Variants in RORA observed in about 807,000 individuals in gnomAD.
The protein encoded by RORA is nuclear receptor ROR-alpha.
Under a neutral mutation model 69.5 loss-of-function variants are expected in RORA, and 7 were observed. The ratio of observed to expected loss-of-function variants is 0.10; its 90% confidence interval spans 0.06 to 0.19. The LOEUF (loss-of-function observed/expected upper bound fraction) is 0.19, where lower values mean the gene tolerates loss of function less well. Ranked by LOEUF, RORA falls within the 10% of genes least tolerant of loss-of-function variation. The pLI is 1.00. For synonymous variants in RORA, 261 were observed against 240.8 expected (o/e 1.08, Z -0.78); for missense variants, 457 against 663.0 (o/e 0.69, Z 3.41).
intron 1 of RORA, among the ~76,000 whole-genome samples, chr15:60,771,550 G>C (rs1305145577): frequency 2.6e-5 from 4 of 152,178 alleles, no homozygotes; most frequent in Non-Finnish European, 5.9e-5. Flanking sequence ...TGATAGAAAA[G>C]GCCACTATTG....
At chr15:60,733,941 A>AGAGAGAGC in intron 1 of RORA, among the ~76,000 whole-genome samples, 1 of 151,222 alleles carries the variant, frequency 6.6e-6, no homozygotes, top group Non-Finnish European at 1.5e-5. Context: ...AGAGAGAGAG[A>AGAGAGAGC]GAGAGAGAGA....
chr15:61,158,319 A>T (rs2079463733), intron 1 of RORA, among the ~76,000 whole-genome samples: 1 of 152,200 alleles, frequency 6.6e-6, no homozygotes, highest in Non-Finnish European at 1.5e-5. Flanking sequence ...TGGAAGTGTC[A>T]TCTCAACTGG....
intron 1 of RORA, among the ~76,000 whole-genome samples, chr15:60,804,579 A>ACGAAC: frequency 6.6e-6 from 1 of 152,210 alleles, no homozygotes; most frequent in Non-Finnish European, 1.5e-5. Flanking sequence ...AATCAGGGCC[A>ACGAAC]TTTAAAATGT....
chr15:60,736,088 C>G (rs1279426376), intron 1 of RORA, among the ~76,000 whole-genome samples: 1 of 152,176 alleles, frequency 6.6e-6, no homozygotes, highest in Non-Finnish European at 1.5e-5. Flanking sequence ...AGGACTGAGT[C>G]TAGGGGAGGG....
chr15:60,960,644 T>C (rs79846901), intron 1 of RORA, among the ~76,000 whole-genome samples: 1 of 140,004 alleles, frequency 7.1e-6, no homozygotes, highest in South Asian at 2.1e-4. Flanking sequence ...ACACAAATCT[T>C]TTTTTTTTTT....
chr15:60,946,386 G>A (rs1481849761), intron 1 of RORA, among the ~76,000 whole-genome samples: 1 of 152,190 alleles, frequency 6.6e-6, no homozygotes, highest in Non-Finnish European at 1.5e-5. Flanking sequence ...TTCTGCCTCA[G>A]CCTGCCGAGT....
chr15:61,103,541 C>A (rs894139693), intron 1 of RORA, among the ~76,000 whole-genome samples: 1 of 152,200 alleles, frequency 6.6e-6, no homozygotes, highest in Non-Finnish European at 1.5e-5. Flanking sequence ...AACACACACA[C>A]CATGACCTTG....
intron 2 of RORA, among the ~76,000 whole-genome samples, chr15:60,645,812 TAAA>T (rs796728170): frequency 0.033 from 4,601 of 140,620 alleles, 119 homozygotes; most frequent in African/African-American, 0.077. Flanking sequence ...TTTTTTTTTT[TAAA>T]AAATTAAGGG....
At chr15:60,583,236 C>T (rs11634234) in intron 2 of RORA, among the ~76,000 whole-genome samples, 20,810 of 152,226 alleles carry the variant, frequency 0.14, 1,610 homozygotes, top group East Asian at 0.25. Context: ...TTGGTCTCCC[C>T]TGTTTGGATG....
chr15:60,974,562 C>T (rs979659852), intron 1 of RORA, among the ~76,000 whole-genome samples: 2 of 152,128 alleles, frequency 1.3e-5, no homozygotes, highest in African/African-American at 2.4e-5. Context: ...TTATCAGGAC[C>T]CTTAAGAGCC....
chr15:60,618,382 A>T (rs982755101), intron 2 of RORA, among the ~76,000 whole-genome samples: 1 of 152,144 alleles, frequency 6.6e-6, no homozygotes, highest in South Asian at 2.1e-4. Flanking sequence ...GGTGACACAG[A>T]TCCCATACAC....
chr15:61,001,827 G>A (rs766838837), intron 1 of RORA, among the ~76,000 whole-genome samples: 4 of 152,166 alleles, frequency 2.6e-5, no homozygotes, highest in Non-Finnish European at 5.9e-5. Context: ...TGTGGCCAAG[G>A]AAAAAAGAAC....
intron 1 of RORA, among the ~76,000 whole-genome samples, chr15:60,903,131 T>C (rs1418727832): frequency 6.6e-6 from 1 of 152,178 alleles, no homozygotes; most frequent in East Asian, 1.9e-4. Context: ...TCAAGTCAAC[T>C]GGCATTCATC....
intron 1 of RORA, among the ~76,000 whole-genome samples, chr15:61,076,626 C>G (rs1271678887): frequency 6.6e-6 from 1 of 152,216 alleles, no homozygotes; most frequent in Non-Finnish European, 1.5e-5. Context: ...TGGGAAGTCT[C>G]CAAAGTTTGC....
chr15:61,050,819 C>T (rs577626452), intron 1 of RORA, among the ~76,000 whole-genome samples: 2 of 152,210 alleles, frequency 1.3e-5, no homozygotes, highest in South Asian at 4.2e-4. Flanking sequence ...TGAATAGGTA[C>T]TATTATTATC....
chr15:61,194,568 T>A (rs2079830585), intron 1 of RORA, among the ~76,000 whole-genome samples: 1 of 149,334 alleles, frequency 6.7e-6, no homozygotes, highest in Admixed American at 6.6e-5. Flanking sequence ...CTGTAACACT[T>A]CCTCACTTCG....
chr15:61,171,171 C>T (rs1030037274), intron 1 of RORA, among the ~76,000 whole-genome samples: 1 of 152,192 alleles, frequency 6.6e-6, no homozygotes, highest in Admixed American at 6.5e-5. Context: ...GCCCCACGGG[C>T]AGCTGGCACA....
chr15:60,789,306 A>G (rs981876336), intron 1 of RORA, among the ~76,000 whole-genome samples: 26 of 152,222 alleles, frequency 1.7e-4, no homozygotes, highest in African/African-American at 6.3e-4. Flanking sequence ...TCCCAGCCCG[A>G]AGGAAAATGC....
intron 1 of RORA, among the ~76,000 whole-genome samples, chr15:61,201,846 G>GTA (rs1313452958): frequency 6.6e-6 from 1 of 152,096 alleles, no homozygotes; most frequent in African/African-American, 2.4e-5. Context: ...TTTTGCAAGG[G>GTA]TATGATATTA....
Sources: gnomAD v4.1 joint callset for allele counts (sites outside exome capture counted in the v4.1 genomes callset) on GRCh38, gnomAD v4.1.1 for gene constraint, MANE v1.5 for transcripts, NCBI Gene and HGNC (gene_info 2026-07-23, HGNC 2026-07-21) for gene names.